KCNN1: variants seen among roughly 807,000 people sequenced by gnomAD.
KCNN1 encodes the protein potassium calcium-activated channel subfamily N member 1, also known as small conductance calcium-activated potassium channel protein 1.
Under a neutral mutation model 44.7 loss-of-function variants are expected in KCNN1, and 20 were observed. The ratio of observed to expected loss-of-function variants is 0.45; its 90% CI spans 0.32 to 0.65. KCNN1 has a LOEUF of 0.65. Among genes scored for constraint, KCNN1 ranks in the 30% least tolerant of loss-of-function variants. The pLI is 0.05. For missense variants in KCNN1, 632 were observed against 785.3 expected (o/e 0.80, Z 2.33); for synonymous variants, 324 against 341.7 (o/e 0.95, Z 0.57).
At chr19:17,963,262 C>G (rs2031725799), upstream of KCNN1, among the ~76,000 whole-genome samples, 2 of 151,274 alleles carry the variant, frequency 1.3e-5, no homozygotes, top group African/African-American at 4.9e-5. Context: ...ATCCGCCTGC[C>G]TCAGCCTCCC....
chr19:17,975,862 C>A (rs368263937), intron 3 of KCNN1, among the ~76,000 whole-genome samples: 16 of 152,224 alleles, frequency 1.1e-4, no homozygotes, highest in East Asian at 9.7e-4. Flanking sequence ...CTGCGCACCA[C>A]CACACCTGGC....
Position 17,981,755 on chromosome 19 carries a change from C to T in KCNN1, c.545C>T (p.Thr182Ile), listed in dbSNP as rs1397843765. ...NGADDWRIAMTCERVFLISLE... is the reference protein window; with the variant it reads ...NGADDWRIAMICERVFLISLE... ...GCTGATGACTGGCGCATCGCCATGACCTGCGAGCGCGTGTTCCTCATCTCG... is the reference window on the plus strand; with the variant it reads ...GCTGATGACTGGCGCATCGCCATGATCTGCGAGCGCGTGTTCCTCATCTCG... The change falls in exon 4 of 10, where the codon ACC becomes ATC. Residue 182 changes from threonine (T) to isoleucine (I), a missense_variant. Physicochemically the swap from Thr to Ile is moderately conservative, Grantham distance 89 (BLOSUM62 -1). Around this residue, in one of 3 missense-constraint regions of KCNN1, gnomAD observed 160 missense variants for 308.3 expected, o/e 0.52. Coordinates refer to ENST00000684775, the MANE Select transcript of KCNN1 (RefSeq NM_001386974.1). The T allele has an allele frequency of 6.2e-7, 1 of 1,607,452 alleles. No homozygotes were observed. The highest frequency in any genetic ancestry group is 8.5e-7 in the Non-Finnish European group (1 of 1,175,366).
In KCNN1 at chr19:17,985,233, C is replaced by T. The variant is rs988025752; in HGVS notation, c.918-79C>T. On this transcript the variant is annotated intron_variant, in intron 4 of 9. Coordinates refer to ENST00000684775, the MANE Select transcript of KCNN1 (RefSeq NM_001386974.1). ...TGGACTCAGGGCCCTCCAGCCCTGG[C>T]GCTGCCCCAGGGGGTGTGATGGAGG... 5.8e-5 allele frequency: 81 copies of T among 1,393,784 alleles called. 1 individual carries two copies. The highest frequency in any genetic ancestry group is 3.2e-4 in the Admixed American group (12 of 37,890). 86.3% of individuals were successfully genotyped at this position (1,393,784 alleles called of 1,614,324 possible). A position where few individuals can be genotyped will look rare whatever the true frequency, so the allele number is the denominator to read the frequency against.
chr19:17,997,919 A>C (rs1233675385), intron 9 of KCNN1, among the ~76,000 whole-genome samples: 1 of 148,062 alleles, frequency 6.8e-6, no homozygotes. Context: ...AAAAAAAGAG[A>C]GAAAGAAAAG....
At chr19:17,958,013 T>C (rs549191629) in intron 2 of KCNN1, among the ~76,000 whole-genome samples, 41 of 151,950 alleles carry the variant, frequency 2.7e-4, no homozygotes, top group African/African-American at 9.7e-4. Flanking sequence ...GTAGCTACTG[T>C]GAGAGAAGGG....
chr19:17,960,817 C>G (rs2031659430), intron 2 of KCNN1, among the ~76,000 whole-genome samples: 1 of 151,974 alleles, frequency 6.6e-6, no homozygotes. Context: ...TCACCCCCAC[C>G]TCTGTCTCTG....
chr19:17,988,170 AAAAAAAAG>A (rs973058141), intron 5 of KCNN1, among the ~76,000 whole-genome samples: 3 of 151,770 alleles, frequency 2.0e-5, no homozygotes, highest in African/African-American at 7.2e-5. Flanking sequence ...AAAAAAAAAA[AAAAAAAAG>A]AATCGTCCTA....
chr19:17,993,009 A>C lies in KCNN1; in HGVS notation c.1299-45A>C, dbSNP rs1438921543. The C allele has an allele frequency of 6.2e-7, 1 of 1,612,070 alleles. No homozygotes were observed. The highest frequency in any genetic ancestry group is 1.7e-5 in the Admixed American group (1 of 59,670). On this transcript the variant is annotated intron_variant, in intron 7 of 9. Transcript: ENST00000684775. This position sits in a 1 kb window ranked among gnomAD's most constrained non-coding sequence, Gnocchi z 4.5. Reference sequence around the variant, plus strand: ...CATGCCGAACAACTGTGCTGAGGTTAAAATTGCCTTGTGATTTTTCTCCTG... The same window carrying C: ...CATGCCGAACAACTGTGCTGAGGTTCAAATTGCCTTGTGATTTTTCTCCTG...
At chr19:17,989,447 C>T (rs187847832) in intron 6 of KCNN1, among the ~76,000 whole-genome samples, 410 of 151,896 alleles carry the variant, frequency 2.7e-3, no homozygotes, top group Non-Finnish European at 4.7e-3. Flanking sequence ...CACAGAGCCT[C>T]AAAAAACAAA....
chr19:17,973,315 C>T lies in KCNN1; in HGVS notation c.-81-493C>T, dbSNP rs557717738. 3.3e-5 allele frequency among the ~76,000 whole-genome samples: 5 copies of T among 152,230 alleles called. No individual in the cohort carries two copies. The South Asian group carries it at 1.0e-3, about 32-fold the overall frequency. On this transcript the variant is annotated intron_variant, in intron 1 of 9. Coordinates refer to ENST00000684775, the MANE Select transcript of KCNN1 (RefSeq NM_001386974.1). ...CTTTTTTTTGAGACGTAGTCTCACTCTGCCACCCAGGCTGGAGTGCAATGG... is the reference window on the plus strand; with the variant it reads ...CTTTTTTTTGAGACGTAGTCTCACTTTGCCACCCAGGCTGGAGTGCAATGG...
chr19:17,979,432 C>CAA (rs35265456), intron 3 of KCNN1, among the ~76,000 whole-genome samples: 3,662 of 48,172 alleles, frequency 0.076, 221 homozygotes, highest in African/African-American at 0.13. Flanking sequence ...GACTCCGTCT[C>CAA]AAAAAAAAAA....
intron 1 of KCNN1, chr19:17,952,115 G>A (rs2145892724): frequency 6.6e-6 from 1 of 152,320 alleles, no homozygotes; most frequent in East Asian, 1.9e-4. Context: ...GCCTTGCGGG[G>A]GGGAGGGCCC....
chr19:17,975,263 C>T, intron 3 of KCNN1, 76 bp downstream of exon 3: 1 of 1,026,952 alleles, frequency 9.7e-7, no homozygotes, highest in Non-Finnish European at 1.5e-6. Context: ...ACCTTAGACC[C>T]CATCCCCTCA....
At chr19:17,961,646 A>G (rs1158126870) in intron 2 of KCNN1, among the ~76,000 whole-genome samples, 2 of 150,172 alleles carry the variant, frequency 1.3e-5, no homozygotes, top group Non-Finnish European at 3.0e-5. Context: ...CAATGGCACA[A>G]TCTTGGCTCA....
At chr19:17,987,836 C>CA (rs973068020) in intron 5 of KCNN1, among the ~76,000 whole-genome samples, 6,872 of 54,342 alleles carry the variant, frequency 0.13, 389 homozygotes, top group African/African-American at 0.21. Flanking sequence ...ATATCGCTAC[C>CA]AAAAAAAAAA....
At position 17,974,985 on chromosome 19, in the gene KCNN1, GC is replaced by G. The variant is rs2032157453; in HGVS notation, c.403-103del. 2.5e-6 allele frequency: 2 copies of G among 786,522 alleles called. No individual in the cohort carries two copies. The highest frequency in any genetic ancestry group is 4.4e-6 in the Non-Finnish European group (2 of 452,368). The allele number at this position is 786,522 out of a possible 1,614,324, so 48.7% of individuals were successfully genotyped here. A position where few individuals can be genotyped will look rare whatever the true frequency, so the allele number is the denominator to read the frequency against. On this transcript the variant is annotated intron_variant, in intron 2 of 9. Coordinates refer to ENST00000684775, the MANE Select transcript of KCNN1 (RefSeq NM_001386974.1). This position sits in a 1 kb window ranked among gnomAD's most constrained non-coding sequence, Gnocchi z 7.3. The stretch of plus-strand genomic sequence containing the variant: ...ACAGTGGGAGAAGCCACTGGGAAGA[GC>G]CCCATTTAGCTGACTCCCATGCCCG...
intron 3 of KCNN1, 44 bp from the exon 4 acceptor site, chr19:17,981,665 C>T (rs777773844): frequency 1.6e-5 from 25 of 1,522,342 alleles, no homozygotes; most frequent in Middle Eastern, 3.6e-4. Flanking sequence ...GGGAGCGCGG[C>T]GCGTGTCTGA....
chr19:17,988,909 TAAAAA>T (rs778235667), intron 6 of KCNN1, among the ~76,000 whole-genome samples: 1 of 137,532 alleles, frequency 7.3e-6, no homozygotes, highest in Non-Finnish European at 1.6e-5. Context: ...AGACTCCGTT[TAAAAA>T]AAAAAAAAAA....
At chr19:17,964,047 T>A (rs573313691), upstream of KCNN1, among the ~76,000 whole-genome samples, 2 of 152,280 alleles carry the variant, frequency 1.3e-5, no homozygotes, top group African/African-American at 4.8e-5. The surrounding 1 kb of genome is among the most constrained non-coding windows in gnomAD (Gnocchi z 4.3). Flanking sequence ...ACGGTTTGTA[T>A]CTCTCTAGGG....
Sources: gnomAD v4.1 joint callset for allele counts (sites outside exome capture counted in the v4.1 genomes callset) on GRCh38, gnomAD v4.1.1 for gene constraint, gnomAD v4.1.1 regional missense constraint, Gnocchi (gnomAD v3.1) non-coding constraint, MANE v1.5 for transcripts, NCBI Gene and HGNC (gene_info 2026-07-23, HGNC 2026-07-21) for gene names.